CMTM4: variants seen among roughly 807,000 people sequenced by gnomAD.
The protein encoded by CMTM4 is CKLF like MARVEL transmembrane domain containing 4.
Under a neutral mutation model 19.0 loss-of-function variants are expected in CMTM4, and 8 were observed. That is an observed-to-expected ratio of 0.42 (90% CI 0.25 to 0.76). The LOEUF is 0.76. Among genes scored for constraint, CMTM4 ranks in the 30% least tolerant of loss-of-function variants. CMTM4 has a pLI of 0.27. For missense variants in CMTM4, 228 were observed against 290.2 expected, an observed-to-expected ratio of 0.79 and a Z score of 1.56; for synonymous variants, 106 against 121.1, an observed-to-expected ratio of 0.88 and a Z score of 0.82.
At chr16:66,614,682 T>C (rs1239809665), downstream of CMTM4, 1 of 152,166 alleles carries the variant, frequency 6.6e-6, no homozygotes, top group Admixed American at 6.5e-5. This position sits in a 1 kb window ranked among gnomAD's most constrained non-coding sequence, Gnocchi z 4.9. Context: ...GCAGCCCTAT[T>C]TCAGGAACTG....
At chr16:66,631,923 T>A (rs1373744697) in intron 2 of CMTM4, among the ~76,000 whole-genome samples, 1 of 151,016 alleles carries the variant, frequency 6.6e-6, no homozygotes. Flanking sequence ...CCAAGAATGA[T>A]CAATAAAAAA....
chr16:66,679,405 T>C (rs1384280547), intron 1 of CMTM4, among the ~76,000 whole-genome samples: 1 of 152,106 alleles, frequency 6.6e-6, no homozygotes. Flanking sequence ...AGGGCCCCCC[T>C]TCTCCCCTGA....
rs971259875 is a variant in CMTM4, at chr16:66,622,611, G to T, written c.463-389C>A. ...AAGTACCTCTTTTACTGCAACTTCA[G>T]GGCCTCTGGTCCCAGATGAGAAAAT... On this transcript the variant is annotated intron_variant, in intron 3 of 3. Coordinates refer to ENST00000394106, the MANE Select transcript of CMTM4 (RefSeq NM_181521.3). This position sits in a 1 kb window ranked among gnomAD's most constrained non-coding sequence, Gnocchi z 4.0. Among the ~76,000 whole-genome samples, 2 of 152,176 alleles carry T rather than the reference G, an allele frequency of 1.3e-5. No individual in the cohort carries two copies. Among genetic ancestry groups the T allele is most frequent in the African/African-American group, 2.4e-5 (1 of 41,440 alleles).
chr16:66,683,880 T>C (rs1487743724), intron 1 of CMTM4, among the ~76,000 whole-genome samples: 1 of 152,088 alleles, frequency 6.6e-6, no homozygotes, highest in Non-Finnish European at 1.5e-5. Flanking sequence ...TCTCTGAGCC[T>C]ATTCCGGTGC....
intron 1 of CMTM4, among the ~76,000 whole-genome samples, chr16:66,652,482 G>A (rs758115687): frequency 2.0e-5 from 3 of 152,220 alleles, no homozygotes; most frequent in Admixed American, 6.5e-5. Context: ...GGTTCTCTGT[G>A]TAAACAATTT....
the CMTM4 span, among the ~76,000 whole-genome samples, chr16:66,601,811 G>A: frequency 2.4e-4 from 37 of 152,350 alleles, no homozygotes; most frequent in African/African-American, 8.4e-4. Flanking sequence ...GCCCCTAAGA[G>A]TACAGGGATG....
intron 1 of CMTM4, among the ~76,000 whole-genome samples, chr16:66,675,450 T>C (rs1476756691): frequency 7.0e-6 from 1 of 143,052 alleles, no homozygotes; most frequent in Non-Finnish European, 1.5e-5. Flanking sequence ...TAGACTTTAT[T>C]ATTCATTAAA....
At chr16:66,685,789 A>G (rs2017019847) in intron 1 of CMTM4, among the ~76,000 whole-genome samples, 2 of 152,092 alleles carry the variant, frequency 1.3e-5, no homozygotes, top group Non-Finnish European at 2.9e-5. Context: ...GACTACAGGC[A>G]TAGGCCACCA....
At chr16:66,657,581 C>T (rs1327936240) in intron 1 of CMTM4, among the ~76,000 whole-genome samples, 1 of 151,950 alleles carries the variant, frequency 6.6e-6, no homozygotes, top group Non-Finnish European at 1.5e-5. Context: ...AAGGATAAAG[C>T]TAATATGGTG....
At chr16:66,655,553 A>ATG (rs879873189) in intron 1 of CMTM4, among the ~76,000 whole-genome samples, 28 of 149,726 alleles carry the variant, frequency 1.9e-4, no homozygotes, top group South Asian at 4.2e-4. Flanking sequence ...GTGTTTATTT[A>ATG]TGTGTGTGTG....
Position 66,617,537 on chromosome 16 carries a change from A to T in CMTM4, c.*4521T>A, listed in dbSNP as rs1030064501. The T allele has an allele frequency of 4.4e-5, 61 of 1,373,016 alleles. No individual in the cohort carries two copies. Among genetic ancestry groups the T allele is most frequent in the Non-Finnish European group, 5.6e-5 (60 of 1,064,038 alleles). The allele number at this position is 1,373,016 out of a possible 1,614,324, so 85.1% of individuals were successfully genotyped here. On this transcript the variant is annotated 3_prime_UTR_variant, in exon 4 of 4. Transcript: ENST00000394106. Reference sequence around the variant, plus strand: ...AAACAGAACATTCACTTTCGGAAGAAAATTTTTCTAGACCTAACAGATATT... The same window carrying T: ...AAACAGAACATTCACTTTCGGAAGATAATTTTTCTAGACCTAACAGATATT...
the CMTM4 span, among the ~76,000 whole-genome samples, chr16:66,601,109 G>GTC: frequency 2.9e-5 from 3 of 103,948 alleles, no homozygotes; most frequent in South Asian, 3.4e-4. Context: ...GTGTGTGTCT[G>GTC]TGTGTGTGTG....
chr16:66,687,682 ATTTTTTTTTTTT>A (rs1176777153), intron 1 of CMTM4, among the ~76,000 whole-genome samples: 152 of 93,314 alleles, frequency 1.6e-3, no homozygotes, highest in African/African-American at 5.5e-3. Context: ...AAAAAGGGTA[ATTTTTTTTTTTT>A]TTTTTTTTTT....
At chr16:66,599,472 T>C in the CMTM4 span, among the ~76,000 whole-genome samples, 3 of 151,498 alleles carry the variant, frequency 2.0e-5, no homozygotes, top group Non-Finnish European at 4.4e-5. Flanking sequence ...CTCATTGTGG[T>C]TTTGTTTGCT....
chr16:66,673,479 AT>A (rs981475801), intron 1 of CMTM4, among the ~76,000 whole-genome samples: 1 of 152,096 alleles, frequency 6.6e-6, no homozygotes, highest in African/African-American at 2.4e-5. Flanking sequence ...AAGTCCTGGA[AT>A]TAGACATAAG....
chr16:66,655,586 T>C (rs955045721), intron 1 of CMTM4, among the ~76,000 whole-genome samples: 6 of 150,290 alleles, frequency 4.0e-5, no homozygotes, highest in African/African-American at 7.3e-5. Flanking sequence ...TGTGTATATA[T>C]GTATTACATA....
At chr16:66,656,421 C>T (rs954294106) in intron 1 of CMTM4, among the ~76,000 whole-genome samples, 16 of 151,980 alleles carry the variant, frequency 1.1e-4, no homozygotes, top group Admixed American at 3.9e-4. Flanking sequence ...TGGAGTACAG[C>T]GGCGTGATCT....
At chr16:66,668,679 T>A (rs542853039) in intron 1 of CMTM4, among the ~76,000 whole-genome samples, 1 of 152,296 alleles carries the variant, frequency 6.6e-6, no homozygotes, top group East Asian at 1.9e-4. Flanking sequence ...CACTTCACTG[T>A]CCCTAAATAA....
chr16:66,667,198 G>A (rs1042364158), intron 1 of CMTM4, among the ~76,000 whole-genome samples: 12 of 152,050 alleles, frequency 7.9e-5, no homozygotes, highest in African/African-American at 1.4e-4. Flanking sequence ...GGTGACACAT[G>A]CCTGTAATCC....
Sources: gnomAD v4.1 joint callset for allele counts (sites outside exome capture counted in the v4.1 genomes callset) on GRCh38, gnomAD v4.1.1 for gene constraint, Gnocchi (gnomAD v3.1) non-coding constraint, MANE v1.5 for transcripts, NCBI Gene and HGNC (gene_info 2026-07-23, HGNC 2026-07-21) for gene names.